Variants in USP5 observed in about 807,000 individuals in gnomAD.
The protein encoded by USP5 is ubiquitin specific peptidase 5, also known as ubiquitin carboxyl-terminal hydrolase 5.
A neutral mutation model predicts 102.5 loss-of-function variants in USP5; 24 were observed. The ratio of observed to expected loss-of-function variants is 0.23; its 90% CI spans 0.17 to 0.33. The LOEUF (loss-of-function observed/expected upper bound fraction) is 0.33. Among genes scored for constraint, USP5 ranks in the 10% least tolerant of loss-of-function variants. USP5 has a pLI of 1.00. For missense variants in USP5, 753 were observed against 1,122.1 expected (o/e 0.67, Z 4.70); for synonymous variants, 460 against 434.8 (o/e 1.06, Z -0.72).
chr12:6,865,879 C>T, intron 19 of USP5, 105 bp from the exon 20 acceptor site: 2 of 976,516 alleles, frequency 2.0e-6, no homozygotes, highest in Non-Finnish European at 3.2e-6. Flanking sequence ...GGGGTATGGG[C>T]AGAGAGTGTG....
intron 7 of USP5, 55 bp downstream of exon 7, chr12:6,857,778 T>G: frequency 6.4e-7 from 1 of 1,566,726 alleles, no homozygotes; most frequent in Non-Finnish European, 8.8e-7. Context: ...TGAGGGCCCT[T>G]CCTCTTTGCC....
Position 6,864,580 on chromosome 12 carries a change from T to C in USP5, c.2245-142T>C, listed in dbSNP as rs1195526080. 3.2e-6 allele frequency: 3 copies of C among 923,432 alleles called. No homozygotes were observed. In the Admixed American group the frequency reaches 8.0e-5, roughly 25 times the overall value. The allele number at this position is 923,432 out of a possible 1,614,324, so 57.2% of individuals were successfully genotyped here. On this transcript the variant is annotated intron_variant, in intron 17 of 19. Transcript: ENST00000229268. The surrounding 1 kb of genome is among the most constrained non-coding windows in gnomAD (Gnocchi z 4.8). ...GGTGGGCGTCTGTAGTCCCAGCTAC[T>C]TGGGAGGCTGAGGCAGGAGAAAGGC...
intron 7 of USP5, 134 bp downstream of exon 7, chr12:6,857,857 T>G: frequency 1.3e-6 from 1 of 758,796 alleles, no homozygotes; most frequent in Non-Finnish European, 2.1e-6. Context: ...AGGCTTCTTT[T>G]AAATATCTAA....
At position 6,861,533 on chromosome 12, in the gene USP5, G is replaced by C. The variant is rs782496274; in HGVS notation, c.1589G>C (p.Ser530Thr). The change falls in exon 13 of 20, where the codon AGC becomes ACC. Residue 530 changes from serine to threonine, a missense_variant. Around this residue, in one of 3 missense-constraint regions of USP5, gnomAD observed 527 missense variants for 816.5 expected, o/e 0.65. Coordinates refer to ENST00000229268, the MANE Select transcript of USP5 (RefSeq NM_001098536.2). The surrounding 1 kb of genome is among the most constrained non-coding windows in gnomAD (Gnocchi z 4.9). ...PELVRAQVPF[S>T]SCLEAYGAPE... ...CTGGTTCGGGCCCAGGTGCCCTTCAGCTCTTGCCTGGAGGCCTACGGGGCC... is the reference window on the plus strand; with the variant it reads ...CTGGTTCGGGCCCAGGTGCCCTTCACCTCTTGCCTGGAGGCCTACGGGGCC... 1 of 1,602,466 alleles carries C rather than the reference G, an allele frequency of 6.2e-7. No individual in the cohort carries two copies. Among genetic ancestry groups the C allele is most frequent in the South Asian group, 1.1e-5 (1 of 90,762 alleles).
chr12:6,865,936 T>A, intron 19 of USP5, 48 bp from the exon 20 acceptor site: 1 of 1,550,824 alleles, frequency 6.4e-7, no homozygotes, highest in Non-Finnish European at 8.9e-7. Flanking sequence ...TGATGCCACT[T>A]TGAATGCCCA....
Position 6,861,107 on chromosome 12 carries a change from G to T in USP5, c.1498+1G>T. On this transcript the variant is annotated splice_donor_variant, in intron 12 of 19. Coordinates refer to ENST00000229268, the MANE Select transcript of USP5 (RefSeq NM_001098536.2). LOFTEE classifies it high-confidence loss of function. This position sits in a 1 kb window ranked among gnomAD's most constrained non-coding sequence, Gnocchi z 4.9. ...CCCATGGATGCAGCCCTTAACAAAG[G>T]TAGGCTGCTCCATCAGCAAGGCCGT... 1 of 1,614,024 alleles carries T rather than the reference G, an allele frequency of 6.2e-7. No homozygotes were observed. The highest frequency in any genetic ancestry group is 8.5e-7 in the Non-Finnish European group (1 of 1,179,940).
chr12:6,859,366 T>C, intron 8 of USP5, 104 bp from the exon 9 acceptor site: 2 of 1,175,070 alleles, frequency 1.7e-6, no homozygotes, highest in South Asian at 2.5e-5. Context: ...AACTCCCCAC[T>C]CTTGAGGGGA....
Position 6,858,307 on chromosome 12 carries a change from T to C in USP5, c.865-117T>C, listed in dbSNP as rs1944178185. The C allele has an allele frequency of 4.5e-6, 5 of 1,106,638 alleles. No homozygotes were observed. Among genetic ancestry groups the C allele is most frequent in the South Asian group, 3.2e-5 (2 of 61,756 alleles). 68.6% of individuals were successfully genotyped at this position (1,106,638 alleles called of 1,614,324 possible). A position where few individuals can be genotyped will look rare whatever the true frequency, so the allele number is the denominator to read the frequency against. On this transcript the variant is annotated intron_variant, in intron 7 of 19. Transcript: ENST00000229268. This position sits in a 1 kb window ranked among gnomAD's most constrained non-coding sequence, Gnocchi z 4.2. ...TCAACATACCTCCCATGTTTGAGCCTGTAATTCCACAAATTCTAGGCCACA... is the reference window on the plus strand; with the variant it reads ...TCAACATACCTCCCATGTTTGAGCCCGTAATTCCACAAATTCTAGGCCACA...
In USP5 at chr12:6,861,148, T is replaced by A; in HGVS notation, c.1498+42T>A. On this transcript the variant is annotated intron_variant, in intron 12 of 19. Coordinates refer to ENST00000229268, the MANE Select transcript of USP5 (RefSeq NM_001098536.2). This position sits in a 1 kb window ranked among gnomAD's most constrained non-coding sequence, Gnocchi z 4.9. The stretch of plus-strand genomic sequence containing the variant: ...GCAAGGCCGTGGCACGGTGGGAGGC[T>A]AAGGTCTAGGAGGAATGCTTGGGCA... 1 of 1,610,822 alleles carries A rather than the reference T, an allele frequency of 6.2e-7. No homozygotes were observed.
chr12:6,861,632 C>T lies in USP5; in HGVS notation c.1673+15C>T, dbSNP rs781936435. Reference sequence around the variant, plus strand: ...GTAGCTGTCAAGTAAGTCCTCTGGTCGGGGCCTGAGGCTGTGGGTCTATGG... The same window carrying T: ...GTAGCTGTCAAGTAAGTCCTCTGGTTGGGGCCTGAGGCTGTGGGTCTATGG... On this transcript the variant is annotated intron_variant, in intron 13 of 19. Coordinates refer to ENST00000229268, the MANE Select transcript of USP5 (RefSeq NM_001098536.2). This position sits in a 1 kb window ranked among gnomAD's most constrained non-coding sequence, Gnocchi z 4.9. 40 of 1,531,890 alleles carry T rather than the reference C, an allele frequency of 2.6e-5. No homozygotes were observed. The South Asian group carries it at 4.5e-4, about 17-fold the overall frequency. 94.9% of individuals were successfully genotyped at this position (1,531,890 alleles called of 1,614,324 possible).
Position 6,864,850 on chromosome 12 carries a change from A to G in USP5, c.2373A>G (p.Gly791=). Residue 791 remains glycine (G), a synonymous_variant, in exon 18 of 20, where the codon GGA becomes GGG. Transcript: ENST00000229268. The surrounding 1 kb of genome is among the most constrained non-coding windows in gnomAD (Gnocchi z 4.8). ...CCATCTCTGAGTCTGTGCCAGTGGGACCTAAAGTCCGGGATGGTCCTGGAA... is the reference window on the plus strand; with the variant it reads ...CCATCTCTGAGTCTGTGCCAGTGGGGCCTAAAGTCCGGGATGGTCCTGGAA... ...ADSISESVPV[G]PKVRDGPGKY... 6.2e-7 allele frequency: 1 copy of G among 1,613,838 alleles called. No individual in the cohort carries two copies. Among genetic ancestry groups the G allele is most frequent in the Non-Finnish European group, 8.5e-7 (1 of 1,180,000 alleles).
chr12:6,865,083 G>A, intron 18 of USP5, 81 bp from the exon 19 acceptor site: 2 of 1,389,724 alleles, frequency 1.4e-6, no homozygotes, highest in Non-Finnish European at 2.0e-6. Flanking sequence ...TCCTGAGTCT[G>A]AGCTGTTGTC....
At position 6,858,308 on chromosome 12, in the gene USP5, G is replaced by C. The variant is rs1944178270; in HGVS notation, c.865-116G>C. The C allele has an allele frequency of 8.9e-7, 1 of 1,120,304 alleles. No homozygotes were observed. Among genetic ancestry groups the C allele is most frequent in the East Asian group, 2.5e-5 (1 of 39,744 alleles). The allele number at this position is 1,120,304 out of a possible 1,614,324, so 69.4% of individuals were successfully genotyped here. ...CAACATACCTCCCATGTTTGAGCCT[G>C]TAATTCCACAAATTCTAGGCCACAG... On this transcript the variant is annotated intron_variant, in intron 7 of 19. Coordinates refer to ENST00000229268, the MANE Select transcript of USP5 (RefSeq NM_001098536.2). This position sits in a 1 kb window ranked among gnomAD's most constrained non-coding sequence, Gnocchi z 4.2.
rs782210685 is a variant in USP5 at position 6,856,290 on chromosome 12, C to T, written c.439-15C>T. 2.5e-6 allele frequency: 4 copies of T among 1,610,204 alleles called. No individual in the cohort carries two copies. The highest frequency in any genetic ancestry group is 2.2e-5 in the East Asian group (1 of 44,832). ...AGGGGGTTGGGTATTGCCTCTGACC[C>T]TCTGCTTCCCCCAGGTGACCAGTGC... is the stretch of plus-strand genomic sequence containing the variant. On this transcript the variant is annotated splice_polypyrimidine_tract_variant and intron_variant, in intron 4 of 19. Coordinates refer to ENST00000229268, the MANE Select transcript of USP5 (RefSeq NM_001098536.2). The surrounding 1 kb of genome is among the most constrained non-coding windows in gnomAD (Gnocchi z 5.6).
rs1555127889 is a variant in USP5, at chr12:6,855,424, C to A, written c.135C>A (p.Ile45=). 3 of 1,614,190 alleles carry A rather than the reference C, an allele frequency of 1.9e-6. No homozygotes were observed. Among genetic ancestry groups the A allele is most frequent in the Non-Finnish European group, 2.5e-6 (3 of 1,180,022 alleles). Residue 45 remains isoleucine (I), a synonymous_variant, in exon 2 of 20, where the codon ATC becomes ATA. Transcript: ENST00000229268. The surrounding 1 kb of genome is among the most constrained non-coding windows in gnomAD (Gnocchi z 4.6). ...DTPESEGGLY[I]CMNTFLGFGK... ...AGGAGTCTGAGGGGGGCCTCTACAT[C>A]TGTATGAACACGTTTCTGGGCTTTG...
chr12:6,865,183 C>T lies in USP5; in HGVS notation c.2418C>T (p.Phe806=). The T allele has an allele frequency of 1.2e-6, 2 of 1,613,832 alleles. No individual in the cohort carries two copies. The highest frequency in any genetic ancestry group is 2.2e-5 in the South Asian group (2 of 91,068). ...TCCTAGAGTATCAGCTCTTTGCCTTCATTAGTCACATGGGCACCTCTACCA... is the reference window on the plus strand; with the variant it reads ...TCCTAGAGTATCAGCTCTTTGCCTTTATTAGTCACATGGGCACCTCTACCA... ...DGPGKYQLFA[F]ISHMGTSTMC... The change falls in exon 19 of 20, where the codon TTC becomes TTT. Residue 806 remains phenylalanine, a synonymous_variant. Coordinates refer to ENST00000229268, the MANE Select transcript of USP5 (RefSeq NM_001098536.2).
chr12:6,865,861 G>A, intron 19 of USP5, 123 bp from the exon 20 acceptor site: 1 of 816,398 alleles, frequency 1.2e-6, no homozygotes, highest in South Asian at 1.5e-5. Context: ...TGGCTGGGCT[G>A]TGGATTTGGG....
At position 6,856,270 on chromosome 12, in the gene USP5, GT is replaced by G; in HGVS notation, c.439-33del. 1 of 1,606,502 alleles carries G rather than the reference GT, an allele frequency of 6.2e-7. No individual in the cohort carries two copies. The highest frequency in any genetic ancestry group is 8.5e-7 in the Non-Finnish European group (1 of 1,175,496). On this transcript the variant is annotated intron_variant, in intron 4 of 19. Coordinates refer to ENST00000229268, the MANE Select transcript of USP5 (RefSeq NM_001098536.2). This position sits in a 1 kb window ranked among gnomAD's most constrained non-coding sequence, Gnocchi z 5.6. ...GGAAGAGGGGCATGTGGGGCAGGGGGTTGGGTATTGCCTCTGACCCTCTGCT... is the reference window on the plus strand; with the variant it reads ...GGAAGAGGGGCATGTGGGGCAGGGGGTGGGTATTGCCTCTGACCCTCTGCT...
rs145842344 is a variant in USP5 at position 6,860,140 on chromosome 12, T to A, written c.1131-11T>A. The A allele has an allele frequency of 6.2e-7, 1 of 1,607,876 alleles. No homozygotes were observed. Among genetic ancestry groups the A allele is most frequent in the South Asian group, 1.1e-5 (1 of 90,080 alleles). The stretch of plus-strand genomic sequence containing the variant: ...GACTGAAGTGAAATGTTTTCTTGGA[T>A]ATTAATGCAGGGCCAAGCTGGGCCA... On this transcript the variant is annotated splice_polypyrimidine_tract_variant and intron_variant, in intron 9 of 19. Coordinates refer to ENST00000229268, the MANE Select transcript of USP5 (RefSeq NM_001098536.2). The surrounding 1 kb of genome is among the most constrained non-coding windows in gnomAD (Gnocchi z 5.5).
Sources: gnomAD v4.1 joint callset for allele counts on GRCh38, gnomAD v4.1.1 for gene constraint, gnomAD v4.1.1 regional missense constraint, Gnocchi (gnomAD v3.1) non-coding constraint, MANE v1.5 for transcripts, NCBI Gene and HGNC (gene_info 2026-07-23, HGNC 2026-07-21) for gene names.